The following MYOM1 variants were observed in gnomAD, a reference collection of about 807,000 sequenced individuals.
MYOM1 encodes the protein myomesin 1.
Under a neutral mutation model 205.3 loss-of-function variants are expected in MYOM1, and 164 were observed. The ratio of observed to expected loss-of-function variants is 0.80; its 90% CI spans 0.70 to 0.91. MYOM1 has a LOEUF of 0.91. Ranked by LOEUF, MYOM1 falls within the 40% of genes least tolerant of loss-of-function variation. The probability of loss-of-function intolerance (pLI) is 0.00; values close to 1 mark genes in which losing one functional copy is unlikely to be tolerated. For missense variants in MYOM1, 2,011 were observed against 2,127.3 expected (o/e 0.95, Z 1.08); for synonymous variants, 772 against 789.4 (o/e 0.98, Z 0.37).
intron 9 of MYOM1, among the ~76,000 whole-genome samples, chr18:3,165,764 G>A (rs758356301): frequency 1.8e-4 from 28 of 152,322 alleles, no homozygotes; most frequent in South Asian, 1.2e-3. Context: ...CACACTGTGT[G>A]TCCCTATGCT....
chr18:3,134,196 T>C (rs1199860230), intron 16 of MYOM1, among the ~76,000 whole-genome samples: 5 of 152,154 alleles, frequency 3.3e-5, no homozygotes, highest in Non-Finnish European at 5.9e-5. Flanking sequence ...TGTTCTGTTT[T>C]GTTTTTTAGA....
chr18:3,243,143 T>C, the MYOM1 span, among the ~76,000 whole-genome samples: 2 of 152,198 alleles, frequency 1.3e-5, no homozygotes, highest in African/African-American at 4.8e-5. Flanking sequence ...TTGTAATATA[T>C]TATTTGTAGT....
intron 20 of MYOM1, among the ~76,000 whole-genome samples, chr18:3,117,659 C>CT (rs913534834): frequency 4.0e-5 from 6 of 149,946 alleles, no homozygotes; most frequent in Admixed American, 6.6e-5. Flanking sequence ...TTTTCCTTTC[C>CT]TTTTTTTTTT....
At chr18:3,068,776 T>C (rs1466444462) in intron 37 of MYOM1, among the ~76,000 whole-genome samples, 1 of 152,240 alleles carries the variant, frequency 6.6e-6, no homozygotes, top group Admixed American at 6.5e-5. Context: ...AAGGGTCATC[T>C]GAGCTTTTTC....
chr18:3,125,942 T>C (rs928982955), intron 19 of MYOM1, among the ~76,000 whole-genome samples: 2 of 152,080 alleles, frequency 1.3e-5, no homozygotes, highest in East Asian at 3.9e-4. Flanking sequence ...ATCAAGCCCA[T>C]GTCCCTTCAT....
intron 14 of MYOM1, among the ~76,000 whole-genome samples, chr18:3,139,484 G>A (rs76819359): frequency 6.6e-6 from 1 of 152,316 alleles, no homozygotes; most frequent in African/African-American, 2.4e-5. Context: ...CAAGCACAGC[G>A]GTGGCCCAAG....
chr18:3,118,637 G>A (rs958453696), intron 20 of MYOM1, among the ~76,000 whole-genome samples: 6 of 152,060 alleles, frequency 3.9e-5, no homozygotes, highest in Admixed American at 2.0e-4. Flanking sequence ...CCCAGCCAAC[G>A]ACATCACTTT....
rs1275716691 is a variant in MYOM1 at position 3,168,955 on chromosome 18, A to T, written c.1201T>A (p.Ser401Thr). 3 of 1,613,226 alleles carry T rather than the reference A, an allele frequency of 1.9e-6. No individual in the cohort carries two copies. The highest frequency in any genetic ancestry group is 1.3e-5 in the African/African-American group (1 of 74,906). ...TCATCAAAGTGGATCTCAAACCGGGATGCATAACCATATGGGGTCACACCA... is the reference window on the plus strand; with the variant it reads ...TCATCAAAGTGGATCTCAAACCGGGTTGCATAACCATATGGGGTCACACCA... Reference protein sequence around the residue: ...SFGVTPYGYASRFEIHFDDKF... With the variant: ...SFGVTPYGYATRFEIHFDDKF... Residue 401 changes from serine (S) to threonine (T), a missense_variant, in exon 9 of 38, where the codon TCC (serine) becomes ACC (threonine). Coordinates refer to ENST00000356443, the MANE Select transcript of MYOM1 (RefSeq NM_003803.4).
intron 33 of MYOM1, among the ~76,000 whole-genome samples, chr18:3,083,427 C>CTTTTTTTTTTTTTTT (rs35959808): frequency 2.7e-4 from 27 of 98,520 alleles, no homozygotes; most frequent in African/African-American, 5.0e-4. Flanking sequence ...TTTTCTTTTT[C>CTTTTTTTTTTTTTTT]TTTTTTTTTT....
chr18:3,174,766 T>C (rs1019485141), intron 6 of MYOM1, among the ~76,000 whole-genome samples: 3 of 152,124 alleles, frequency 2.0e-5, no homozygotes, highest in Non-Finnish European at 4.4e-5. Context: ...GTCTATGTGT[T>C]CTAGCTTCAA....
chr18:3,113,503 C>CT (rs1372429563), intron 21 of MYOM1, among the ~76,000 whole-genome samples: 2 of 32,400 alleles, frequency 6.2e-5, no homozygotes, highest in Admixed American at 5.0e-4. Context: ...TACCTAAAAA[C>CT]AATTTTTTTT....
At position 3,215,025 on chromosome 18, in the gene MYOM1, A is replaced by C. The variant is rs373871002; in HGVS notation, c.199T>G (p.Ser67Ala). Reference sequence around the variant, plus strand: ...TGCGAGGCCTGCTGCTGGGAGGAGGAGGCGGACGCCCGACGGAAGGCCTCG... The same window carrying C: ...TGCGAGGCCTGCTGCTGGGAGGAGGCGGCGGACGCCCGACGGAAGGCCTCG... ...ESEAFRRASA[S>A]SSQQQASQHA... Residue 67 changes from serine to alanine, a missense_variant, in exon 2 of 38, where the codon TCC (serine) becomes GCC (alanine). Coordinates refer to ENST00000356443, the MANE Select transcript of MYOM1 (RefSeq NM_003803.4). 1.5e-5 allele frequency: 24 copies of C among 1,612,278 alleles called. No individual in the cohort carries two copies. Among genetic ancestry groups the C allele is most frequent in the East Asian group, 4.5e-5 (2 of 44,830 alleles).
rs993007952 is a variant in MYOM1, at chr18:3,152,174, C to G, written c.1644-281G>C. Among the ~76,000 whole-genome samples, 2 of 152,090 alleles carry G rather than the reference C, an allele frequency of 1.3e-5. No individual in the cohort carries two copies. The highest frequency in any genetic ancestry group is 2.9e-5 in the Non-Finnish European group (2 of 68,012). On this transcript the variant is annotated intron_variant, in intron 11 of 37. Transcript: ENST00000356443. This position sits in a 1 kb window ranked among gnomAD's most constrained non-coding sequence, Gnocchi z 4.3. The stretch of plus-strand genomic sequence containing the variant: ...AGAAAGCAGAGGGGTTTGGGGGTTG[C>G]TGGGATAAGCAGATAAATATCTCCA...
chr18:3,235,094 CT>C, the MYOM1 span, among the ~76,000 whole-genome samples: 3 of 152,064 alleles, frequency 2.0e-5, no homozygotes, highest in African/African-American at 7.2e-5. Context: ...ATCATTCTCA[CT>C]TTATCTTGTT....
At chr18:3,111,606 G>C (rs2079528166) in intron 22 of MYOM1, among the ~76,000 whole-genome samples, 1 of 152,150 alleles carries the variant, frequency 6.6e-6, no homozygotes, top group Non-Finnish European at 1.5e-5. Context: ...AAAATTGAAA[G>C]AAGATTACTA....
chr18:3,129,813 A>G (rs1210954083), intron 17 of MYOM1, among the ~76,000 whole-genome samples: 1 of 152,216 alleles, frequency 6.6e-6, no homozygotes, highest in East Asian at 1.9e-4. Context: ...CTTTTAGTAT[A>G]TATAAGGAAA....
At chr18:3,075,423 C>A in intron 36 of MYOM1, 31 bp downstream of exon 36, 1 of 1,599,672 alleles carries the variant, frequency 6.3e-7, no homozygotes. Context: ...CCCAGGAGTA[C>A]TTGTGAAAAG....
At chr18:3,230,032 T>C in the MYOM1 span, among the ~76,000 whole-genome samples, 1 of 141,642 alleles carries the variant, frequency 7.1e-6, no homozygotes, top group Non-Finnish European at 1.6e-5. Flanking sequence ...TATCCTCAAA[T>C]GCGTTTAAAA....
rs146547953 is a variant in MYOM1, at chr18:3,116,323, C to G, written c.3303+8G>C. 1 of 1,609,664 alleles carries G rather than the reference C, an allele frequency of 6.2e-7. No individual in the cohort carries two copies. Among genetic ancestry groups the G allele is most frequent in the Admixed American group, 1.7e-5 (1 of 59,650 alleles). ...TAGAGGAAGCTCTAGAACTGAGCAG[C>G]CTCTTACCTTCAGGTATACGTTTTT... On this transcript the variant is annotated splice_region_variant and intron_variant, in intron 21 of 37. Coordinates refer to ENST00000356443, the MANE Select transcript of MYOM1 (RefSeq NM_003803.4).
Sources: gnomAD v4.1 joint callset for allele counts (sites outside exome capture counted in the v4.1 genomes callset) on GRCh38, gnomAD v4.1.1 for gene constraint, Gnocchi (gnomAD v3.1) non-coding constraint, MANE v1.5 for transcripts, NCBI Gene and HGNC (gene_info 2026-07-23, HGNC 2026-07-21) for gene names.